The following NPLOC4 variants were observed in gnomAD, a reference collection of about 807,000 sequenced individuals.
The protein encoded by NPLOC4 is nuclear protein localization protein 4 homolog.
In NPLOC4, 18 loss-of-function variants were observed where a neutral mutation model predicts 80.6. The ratio of observed to expected loss-of-function variants is 0.22; its 90% CI spans 0.15 to 0.33. The LOEUF (loss-of-function observed/expected upper bound fraction) is 0.33. NPLOC4 is among the 10% of genes least tolerant of loss of function. The probability of loss-of-function intolerance (pLI) is 1.00; values close to 1 mark genes in which losing one functional copy is unlikely to be tolerated. For synonymous variants in NPLOC4, 313 were observed against 301.5 expected (o/e 1.04, Z -0.39); for missense variants, 540 against 786.1 (o/e 0.69, Z 3.74).
intron 16 of NPLOC4, among the ~76,000 whole-genome samples, chr17:81,559,875 G>A (rs1379565221): frequency 6.6e-6 from 1 of 151,806 alleles, no homozygotes; most frequent in African/African-American, 2.4e-5. Context: ...TGGGATTACA[G>A]GCATGAACCA....
At chr17:81,630,186 A>G (rs892593561) in intron 1 of NPLOC4, among the ~76,000 whole-genome samples, 8 of 152,276 alleles carry the variant, frequency 5.3e-5, no homozygotes, top group Admixed American at 4.6e-4. Flanking sequence ...GGGGAAAAAA[A>G]AAAAAAAAAG....
intron 11 of NPLOC4, among the ~76,000 whole-genome samples, chr17:81,593,217 G>A (rs2034797803): frequency 6.6e-6 from 1 of 151,928 alleles, no homozygotes; most frequent in Non-Finnish European, 1.5e-5. Context: ...GAATTCTCTG[G>A]GACTACAATA....
chr17:81,614,273 CT>C (rs2035419553), intron 3 of NPLOC4: 1 of 29,182 alleles, frequency 3.4e-5, no homozygotes, highest in African/African-American at 2.6e-4. Flanking sequence ...GAGGCTCCAT[CT>C]CAAAAAAAAA....
chr17:81,635,968 G>A (rs1598703518), intron 1 of NPLOC4, among the ~76,000 whole-genome samples: 1 of 151,214 alleles, frequency 6.6e-6, no homozygotes, highest in East Asian at 2.0e-4. Context: ...GGAGGAGTGT[G>A]TGACAATTTT....
chr17:81,575,794 A>C (rs1300616354), intron 12 of NPLOC4, among the ~76,000 whole-genome samples: 1 of 152,128 alleles, frequency 6.6e-6, no homozygotes, highest in African/African-American at 2.4e-5. Context: ...AGACTCTCCC[A>C]CCTCCACCGC....
In NPLOC4 at chr17:81,570,964, T is replaced by C. The variant is rs1295776407; in HGVS notation, c.1353+1053A>G. Among the ~76,000 whole-genome samples, 9 of 152,322 alleles carry C rather than the reference T, an allele frequency of 5.9e-5. No homozygotes were observed. In the East Asian group the frequency reaches 1.7e-3, roughly 29 times the overall value. The stretch of plus-strand genomic sequence containing the variant: ...AAGAAGAGGAAAGAAGTGGGGAGGC[T>C]GCTTGGGGTAGAAGACCTGAGAAAG... On this transcript the variant is annotated intron_variant, in intron 13 of 16. Transcript: ENST00000331134.
chr17:81,564,008 G>A (rs2033930039), intron 16 of NPLOC4: 1 of 443,982 alleles, frequency 2.3e-6, no homozygotes, highest in Non-Finnish European at 4.5e-6. Context: ...TTCAACCCAG[G>A]AGGCAGAGTT....
chr17:81,572,164 A>ACC lies in NPLOC4; in HGVS notation c.1282-78_1282-77dup, dbSNP rs1306856983. On this transcript the variant is annotated intron_variant, in intron 12 of 16. Transcript: ENST00000331134. The surrounding 1 kb of genome is among the most constrained non-coding windows in gnomAD (Gnocchi z 4.5). ...GATTTTCCTTTCACATGCTTGTCTCACCTTTTATTTAATTAATTAATTTAT... is the reference window on the plus strand; with the variant it reads ...GATTTTCCTTTCACATGCTTGTCTCACCCCTTTTATTTAATTAATTAATTTAT... 1 of 712,448 alleles carries ACC rather than the reference A, an allele frequency of 1.4e-6. No homozygotes were observed. Among genetic ancestry groups the ACC allele is most frequent in the Non-Finnish European group, 2.1e-6 (1 of 465,406 alleles). The allele number at this position is 712,448 out of a possible 1,614,324, so 44.1% of individuals were successfully genotyped here.
At chr17:81,604,291 G>A (rs994142313) in intron 8 of NPLOC4, among the ~76,000 whole-genome samples, 9 of 152,004 alleles carry the variant, frequency 5.9e-5, no homozygotes, top group Non-Finnish European at 1.3e-4. Flanking sequence ...CACAGCAGAC[G>A]AGATAAAAAC....
At chr17:81,576,356 T>A (rs1178009247) in intron 12 of NPLOC4, among the ~76,000 whole-genome samples, 1 of 152,180 alleles carries the variant, frequency 6.6e-6, no homozygotes, top group Non-Finnish European at 1.5e-5. Context: ...TAGGCAGACT[T>A]TTTTCAACCA....
At chr17:81,619,805 G>A (rs1264918506) in intron 3 of NPLOC4, among the ~76,000 whole-genome samples, 1 of 151,576 alleles carries the variant, frequency 6.6e-6, no homozygotes, top group Admixed American at 6.6e-5. Flanking sequence ...CTTGAACCTG[G>A]GAGGCAGAGG....
intron 3 of NPLOC4, among the ~76,000 whole-genome samples, chr17:81,617,221 T>G (rs1340667883): frequency 6.6e-6 from 1 of 152,070 alleles, no homozygotes; most frequent in Non-Finnish European, 1.5e-5. Flanking sequence ...ATGGCCCCTG[T>G]GAGTACTTGA....
In NPLOC4 at chr17:81,567,627, C is replaced by T. The variant is rs2034047677; in HGVS notation, c.1450-94G>A. On this transcript the variant is annotated intron_variant, in intron 14 of 16. Transcript: ENST00000331134. The surrounding 1 kb of genome is among the most constrained non-coding windows in gnomAD (Gnocchi z 4.5). ...TTTCCTACTAAGACGCAACTCAATA[C>T]ACTGAATGCTGAGACACCTCTCCCT... is the stretch of plus-strand genomic sequence containing the variant. 4 of 728,162 alleles carry T rather than the reference C, an allele frequency of 5.5e-6. No individual in the cohort carries two copies. The highest frequency in any genetic ancestry group is 2.2e-5 in the Admixed American group (1 of 45,270). 45.1% of individuals were successfully genotyped at this position (728,162 alleles called of 1,614,324 possible).
chr17:81,593,794 G>GGTGCTCA (rs1555682172), intron 11 of NPLOC4, among the ~76,000 whole-genome samples: 2 of 151,594 alleles, frequency 1.3e-5, no homozygotes, highest in African/African-American at 4.9e-5. Context: ...TCCCCTCCTG[G>GGTGCTCA]GTGCCCAGTG....
At chr17:81,614,560 G>C (rs2035430217) in intron 3 of NPLOC4, among the ~76,000 whole-genome samples, 1 of 102,708 alleles carries the variant, frequency 9.7e-6, no homozygotes, top group Non-Finnish European at 1.9e-5. Flanking sequence ...CCAGGAGTCA[G>C]ACTTAAGGGT....
At chr17:81,633,973 T>C (rs573150483) in intron 1 of NPLOC4, among the ~76,000 whole-genome samples, 1 of 152,056 alleles carries the variant, frequency 6.6e-6, no homozygotes, top group East Asian at 1.9e-4. Context: ...TTCTAACTTT[T>C]CTGCCTCAGC....
At chr17:81,632,277 G>C (rs553950832) in intron 1 of NPLOC4, among the ~76,000 whole-genome samples, 1 of 151,122 alleles carries the variant, frequency 6.6e-6, no homozygotes, top group African/African-American at 2.4e-5. Flanking sequence ...CCCTGGCCTA[G>C]CTGATTTTTT....
At chr17:81,590,975 C>T (rs1205513384) in intron 11 of NPLOC4, among the ~76,000 whole-genome samples, 1 of 152,190 alleles carries the variant, frequency 6.6e-6, no homozygotes, top group Non-Finnish European at 1.5e-5. Context: ...GCCAACCCTG[C>T]ACAAATGACC....
chr17:81,586,990 T>C (rs544493450), intron 12 of NPLOC4, among the ~76,000 whole-genome samples: 1 of 152,240 alleles, frequency 6.6e-6, no homozygotes, highest in Non-Finnish European at 1.5e-5. Flanking sequence ...CTCTGGCTTG[T>C]GATACACAAT....
Sources: allele counts gnomAD v4.1 joint callset (sites outside exome capture counted in the v4.1 genomes callset), GRCh38; gene constraint gnomAD v4.1.1; non-coding constraint Gnocchi (gnomAD v3.1); transcripts MANE v1.5; gene names NCBI Gene and HGNC (gene_info 2026-07-23, HGNC 2026-07-21).